The following FAM110B variants were observed in gnomAD, a reference collection of about 807,000 sequenced individuals.
The protein encoded by FAM110B is protein FAM110B.
FAM110B carries 6 observed loss-of-function variants against 20.4 expected under a neutral mutation model. The observed-to-expected ratio is 0.29, with a 90% CI of 0.16 to 0.58. The LOEUF (loss-of-function observed/expected upper bound fraction) is 0.58. Among genes scored for constraint, FAM110B ranks in the 20% least tolerant of loss-of-function variants. The probability of loss-of-function intolerance (pLI) is 0.90; values close to 1 mark genes in which losing one functional copy is unlikely to be tolerated. For missense variants in FAM110B, 434 were observed against 498.2 expected (o/e 0.87, Z 1.23); for synonymous variants, 226 against 214.1 (o/e 1.06, Z -0.49).
chr8:58,116,932 G>A (rs779959915), intron 3 of FAM110B, among the ~76,000 whole-genome samples: 8 of 152,172 alleles, frequency 5.3e-5, no homozygotes, highest in South Asian at 4.1e-4. Context: ...TTCTTAACGC[G>A]ATGCACACAG....
chr8:58,038,978 T>C (rs1297467487), intron 2 of FAM110B, among the ~76,000 whole-genome samples: 1 of 152,248 alleles, frequency 6.6e-6, no homozygotes, highest in Admixed American at 6.5e-5. Context: ...GACGTGGCTC[T>C]TGATTGAGAA....
intron 1 of FAM110B, among the ~76,000 whole-genome samples, chr8:58,004,172 A>G (rs182792331): frequency 5.7e-4 from 87 of 152,304 alleles, no homozygotes; most frequent in Non-Finnish European, 1.0e-3. Context: ...TTGAGAATCT[A>G]ATGCCTCCAC....
chr8:58,032,326 A>T (rs1177068590), intron 2 of FAM110B: 4 of 152,240 alleles, frequency 2.6e-5, no homozygotes, highest in African/African-American at 9.6e-5. Context: ...CTCACTGGAC[A>T]TGGGACCTAG....
intron 2 of FAM110B, among the ~76,000 whole-genome samples, chr8:58,073,548 T>A (rs905992117): frequency 1.3e-5 from 2 of 152,200 alleles, no homozygotes; most frequent in African/African-American, 4.8e-5. Flanking sequence ...ACACATTAGG[T>A]TGTTGCATGG....
intron 3 of FAM110B, among the ~76,000 whole-genome samples, chr8:58,105,587 G>A (rs369789614): frequency 8.8e-4 from 7 of 7,968 alleles, no homozygotes; most frequent in Non-Finnish European, 2.8e-3. Flanking sequence ...TTTTTTTTTT[G>A]TGACAGAGTC....
intron 3 of FAM110B, among the ~76,000 whole-genome samples, chr8:58,106,040 T>G (rs112082499): frequency 3.9e-5 from 6 of 152,228 alleles, no homozygotes; most frequent in Non-Finnish European, 7.3e-5. Context: ...AACAAAAGTG[T>G]CTAGTGAATT....
intron 1 of FAM110B, among the ~76,000 whole-genome samples, chr8:58,030,978 G>A (rs1002459390): frequency 2.6e-5 from 4 of 152,058 alleles, no homozygotes; most frequent in African/African-American, 7.2e-5. Flanking sequence ...CGGTCCAGTC[G>A]ATGTTAATTT....
At chr8:58,106,590 A>G (rs1806925003) in intron 3 of FAM110B, among the ~76,000 whole-genome samples, 1 of 152,212 alleles carries the variant, frequency 6.6e-6, no homozygotes, top group South Asian at 2.1e-4. Context: ...AGGCAGACTT[A>G]TCAGCATAAA....
intron 1 of FAM110B, among the ~76,000 whole-genome samples, chr8:58,005,867 G>A (rs1410086741): frequency 6.6e-6 from 1 of 152,118 alleles, no homozygotes; most frequent in Non-Finnish European, 1.5e-5. Flanking sequence ...GAAGTGTTCT[G>A]AAACTTGAAA....
intron 3 of FAM110B, among the ~76,000 whole-genome samples, chr8:58,107,500 G>A (rs1455371385): frequency 6.6e-6 from 1 of 152,180 alleles, no homozygotes; most frequent in Non-Finnish European, 1.5e-5. Flanking sequence ...TCAACAAGCT[G>A]TGGGATTTAT....
In FAM110B at chr8:58,146,672, C is replaced by G. The variant is rs373901437; in HGVS notation, c.442C>G (p.Arg148Gly). ...CAGCTCCCGCAACTGGCCGCCCCACCGGTCGGAAGCCACTGACCTGCACCG... is the reference window on the plus strand; with the variant it reads ...CAGCTCCCGCAACTGGCCGCCCCACGGGTCGGAAGCCACTGACCTGCACCG... ...KHSSRNWPPH[R>G]SEATDLHRHS... The change falls in exon 4 of 4, where the codon CGG becomes GGG. Residue 148 changes from arginine to glycine, a missense_variant. Physicochemically the swap from Arg to Gly is moderately radical, Grantham distance 125. This residue lies in a region of FAM110B where 284 missense variants were observed against 278.3 expected (regional missense o/e 1.02). Transcript: ENST00000519262. 7.4e-6 allele frequency: 12 copies of G among 1,612,364 alleles called. No individual in the cohort carries two copies. Among genetic ancestry groups the G allele is most frequent in the African/African-American group, 1.3e-5 (1 of 74,900 alleles).
chr8:58,014,496 G>A (rs921609423), intron 1 of FAM110B, among the ~76,000 whole-genome samples: 2 of 152,118 alleles, frequency 1.3e-5, no homozygotes, highest in African/African-American at 2.4e-5. Context: ...CTGTGTCCCC[G>A]GACATAAGGT....
At chr8:58,072,212 G>GA (rs1399281063) in intron 2 of FAM110B, among the ~76,000 whole-genome samples, 1 of 152,186 alleles carries the variant, frequency 6.6e-6, no homozygotes, top group Non-Finnish European at 1.5e-5. Flanking sequence ...TTTCCACTGT[G>GA]AAAGCCTTGG....
intron 1 of FAM110B, among the ~76,000 whole-genome samples, chr8:58,008,574 TTG>T (rs1276688228): frequency 6.6e-6 from 1 of 152,234 alleles, no homozygotes; most frequent in Non-Finnish European, 1.5e-5. Flanking sequence ...AAACATTTTT[TTG>T]TGTGTATGTT....
intron 2 of FAM110B, among the ~76,000 whole-genome samples, chr8:58,051,463 T>A (rs951897105): frequency 1.1e-4 from 17 of 152,052 alleles, no homozygotes; most frequent in Admixed American, 1.1e-3. Context: ...CTATTGGTGG[T>A]GGTAGTGCTG....
intron 3 of FAM110B, among the ~76,000 whole-genome samples, chr8:58,109,684 G>A (rs1807013273): frequency 1.3e-5 from 2 of 152,162 alleles, no homozygotes; most frequent in South Asian, 4.1e-4. Context: ...ATCCTGGACA[G>A]GCCAAAGTGC....
Position 58,075,533 on chromosome 8 carries a change from A to G in FAM110B, c.-413-2A>G, listed in dbSNP as rs968904029. 6.6e-6 allele frequency: 1 copy of G among 152,174 alleles called. No individual in the cohort carries two copies. The highest frequency in any genetic ancestry group is 1.5e-5 in the Non-Finnish European group (1 of 68,038). 9.4% of individuals were successfully genotyped at this position (152,174 alleles called of 1,614,324 possible). A position where few individuals can be genotyped will look rare whatever the true frequency, so the allele number is the denominator to read the frequency against. On this transcript the variant is annotated splice_acceptor_variant, in intron 2 of 3. Transcript: ENST00000519262. LOFTEE classifies it low-confidence loss of function (5UTR_SPLICE). Reference sequence around the variant, plus strand: ...ACAATCTTTTCTTCCTTTGATTTTTAGCAATTTCCTGCTGCAGAGAGCATT... The same window carrying G: ...ACAATCTTTTCTTCCTTTGATTTTTGGCAATTTCCTGCTGCAGAGAGCATT...
chr8:58,143,038 A>AAT (rs1554528279), intron 3 of FAM110B, among the ~76,000 whole-genome samples: 3 of 151,904 alleles, frequency 2.0e-5, no homozygotes, highest in Admixed American at 1.3e-4. Flanking sequence ...TCTCGTACAA[A>AAT]GTCTACACTA....
chr8:58,134,257 A>AT (rs964789821), intron 3 of FAM110B, among the ~76,000 whole-genome samples: 24 of 152,298 alleles, frequency 1.6e-4, no homozygotes, highest in African/African-American at 5.5e-4. Flanking sequence ...AATATTCACT[A>AT]TTTTTTTAAG....
Sources: allele counts gnomAD v4.1 joint callset (sites outside exome capture counted in the v4.1 genomes callset), GRCh38; gene constraint gnomAD v4.1.1; regional missense constraint gnomAD v4.1.1; transcripts MANE v1.5; gene names NCBI Gene and HGNC (gene_info 2026-07-23, HGNC 2026-07-21).